Variants in NRXN1 observed in about 807,000 individuals in gnomAD.
NRXN1 encodes the protein neurexin-1.
A neutral mutation model predicts 150.9 loss-of-function variants in NRXN1; 39 were observed. The ratio of observed to expected loss-of-function variants is 0.26; its 90% CI spans 0.20 to 0.34. The LOEUF (loss-of-function observed/expected upper bound fraction) is 0.34. Among genes scored for constraint, NRXN1 ranks in the 10% least tolerant of loss-of-function variants. The probability of loss-of-function intolerance (pLI) is 1.00; values close to 1 mark genes in which losing one functional copy is unlikely to be tolerated. For synonymous variants in NRXN1, 924 were observed against 757.0 expected, an observed-to-expected ratio of 1.22 and a Z score of -3.62; for missense variants, 1,815 against 1,949.9, an observed-to-expected ratio of 0.93 and a Z score of 1.30.
At chr2:49,978,678 G>A (rs1284715160) in intron 21 of NRXN1, among the ~76,000 whole-genome samples, 4 of 139,014 alleles carry the variant, frequency 2.9e-5, no homozygotes, top group Non-Finnish European at 4.5e-5. Context: ...GCAGAGGAGA[G>A]AGAGAGAGAT....
intron 18 of NRXN1, among the ~76,000 whole-genome samples, chr2:50,114,427 T>A (rs1390182873): frequency 6.6e-6 from 1 of 152,076 alleles, no homozygotes; most frequent in Admixed American, 6.6e-5. Flanking sequence ...AGCAATACAG[T>A]TACTTTGGAA....
chr2:50,829,391 G>A, intron 5 of NRXN1: 1 of 1,207,916 alleles, frequency 8.3e-7, no homozygotes, highest in Non-Finnish European at 1.2e-6. Context: ...GGCTCCCAAA[G>A]TGCGGGGATT....
At chr2:50,598,587 T>C (rs963716083) in intron 8 of NRXN1, among the ~76,000 whole-genome samples, 2 of 149,206 alleles carry the variant, frequency 1.3e-5, no homozygotes, top group African/African-American at 4.9e-5. Context: ...TGTATATATA[T>C]GTATATATGC....
At chr2:50,197,358 T>C (rs1202563911) in intron 18 of NRXN1, among the ~76,000 whole-genome samples, 1 of 152,094 alleles carries the variant, frequency 6.6e-6, no homozygotes, top group Non-Finnish European at 1.5e-5. Flanking sequence ...AACATTTAAA[T>C]TTGGTAGTTT....
At chr2:49,948,818 G>T (rs1246268336) in intron 21 of NRXN1, among the ~76,000 whole-genome samples, 1 of 151,780 alleles carries the variant, frequency 6.6e-6, no homozygotes, top group South Asian at 2.1e-4. Context: ...TTTGAGAAAA[G>T]AGACAACCTG....
intron 18 of NRXN1, among the ~76,000 whole-genome samples, chr2:50,214,493 G>A (rs2063250975): frequency 6.6e-6 from 1 of 151,896 alleles, no homozygotes; most frequent in South Asian, 2.1e-4. Flanking sequence ...GGTAGAGACT[G>A]ATGTCAACAT....
chr2:50,542,764 C>T (rs1478817416), intron 9 of NRXN1, among the ~76,000 whole-genome samples: 1 of 152,140 alleles, frequency 6.6e-6, no homozygotes, highest in African/African-American at 2.4e-5. Flanking sequence ...GAAATAGACA[C>T]ATTTCCAATA....
intron 21 of NRXN1, among the ~76,000 whole-genome samples, chr2:50,034,437 A>T (rs1689691912): frequency 6.6e-6 from 1 of 152,142 alleles, no homozygotes; most frequent in Non-Finnish European, 1.5e-5. Flanking sequence ...GTGGGGGCTA[A>T]ATAATGAGAA....
chr2:50,495,304 G>A (rs1406409306), intron 15 of NRXN1, among the ~76,000 whole-genome samples: 4 of 151,548 alleles, frequency 2.6e-5, no homozygotes, highest in Middle Eastern at 3.2e-3. Flanking sequence ...GAAGAGAAGC[G>A]TATGTTAAGA....
At chr2:50,797,551 G>A (rs1707014658) in intron 5 of NRXN1, among the ~76,000 whole-genome samples, 1 of 152,100 alleles carries the variant, frequency 6.6e-6, no homozygotes, top group South Asian at 2.1e-4. Flanking sequence ...GCTAGATCAT[G>A]GGTAGACTTT....
intron 5 of NRXN1, among the ~76,000 whole-genome samples, chr2:50,820,837 T>C (rs1316072714): frequency 6.6e-6 from 1 of 152,084 alleles, no homozygotes; most frequent in African/African-American, 2.4e-5. Flanking sequence ...AAACACTAAA[T>C]AAACAAACCA....
intron 17 of NRXN1, among the ~76,000 whole-genome samples, chr2:50,259,108 G>C (rs990824256): frequency 6.6e-6 from 1 of 151,968 alleles, no homozygotes; most frequent in Non-Finnish European, 1.5e-5. Context: ...GCCCCTAAAA[G>C]AGAGTCAGCC....
At chr2:50,643,585 C>A (rs561466853) in intron 5 of NRXN1, among the ~76,000 whole-genome samples, 4 of 151,866 alleles carry the variant, frequency 2.6e-5, no homozygotes, top group South Asian at 4.1e-4. Flanking sequence ...TCCATATGAA[C>A]GGTATGATAT....
chr2:50,111,709 C>CT (rs1333578387), intron 18 of NRXN1, among the ~76,000 whole-genome samples: 1 of 152,122 alleles, frequency 6.6e-6, no homozygotes, highest in Non-Finnish European at 1.5e-5. Context: ...TCTGCACCCT[C>CT]TTGCCAAATC....
chr2:50,226,457 T>C (rs1276622829), intron 18 of NRXN1, among the ~76,000 whole-genome samples: 1 of 151,792 alleles, frequency 6.6e-6, no homozygotes, highest in Non-Finnish European at 1.5e-5. Context: ...CTTTGGAAAG[T>C]GCTTAGCACT....
intron 15 of NRXN1, among the ~76,000 whole-genome samples, chr2:50,487,088 C>T (rs13011150): frequency 0.29 from 44,234 of 151,984 alleles, 7,202 homozygotes; most frequent in South Asian, 0.4. Context: ...TCACCTGTTA[C>T]ATGGTGATAA....
chr2:50,763,185 T>G (rs991867130), intron 5 of NRXN1, among the ~76,000 whole-genome samples: 7 of 151,998 alleles, frequency 4.6e-5, no homozygotes, highest in Non-Finnish European at 1.5e-5. Context: ...GACTAGTTCC[T>G]GTAATTGACA....
intron 2 of NRXN1, among the ~76,000 whole-genome samples, chr2:50,960,599 C>T (rs1205779966): frequency 6.6e-6 from 1 of 151,964 alleles, no homozygotes; most frequent in Non-Finnish European, 1.5e-5. Flanking sequence ...ATGGAAGGAC[C>T]ACACAAATCT....
At chr2:50,777,075 T>C (rs1703739313) in intron 5 of NRXN1, among the ~76,000 whole-genome samples, 1 of 152,168 alleles carries the variant, frequency 6.6e-6, no homozygotes, top group South Asian at 2.1e-4. Flanking sequence ...ATTTGCATGC[T>C]TGCAGACAAA....
Sources: allele counts gnomAD v4.1 joint callset (sites outside exome capture counted in the v4.1 genomes callset), GRCh38; gene constraint gnomAD v4.1.1; transcripts MANE v1.5; gene names NCBI Gene and HGNC (gene_info 2026-07-23, HGNC 2026-07-21).